The following STRBP variants were observed in gnomAD, a reference collection of about 807,000 sequenced individuals.
STRBP encodes the protein spermatid perinuclear RNA binding protein.
Under a neutral mutation model 80.1 loss-of-function variants are expected in STRBP, and 13 were observed. The ratio of observed to expected loss-of-function variants is 0.16; its 90% CI spans 0.11 to 0.26. The LOEUF (loss-of-function observed/expected upper bound fraction) is 0.26, where lower values mean the gene tolerates loss of function less well. Among genes scored for constraint, STRBP ranks in the 10% least tolerant of loss-of-function variants. STRBP has a pLI of 1.00. For synonymous variants in STRBP, 284 were observed against 291.2 expected (o/e 0.98, Z 0.25); for missense variants, 485 against 815.2 (o/e 0.59, Z 4.93).
chr9:123,194,989 T>C (rs1255644589), intron 2 of STRBP, among the ~76,000 whole-genome samples: 1 of 152,200 alleles, frequency 6.6e-6, no homozygotes, highest in African/African-American at 2.4e-5. Flanking sequence ...GGTTTGAGAC[T>C]TTAAATACCA....
intron 1 of STRBP, among the ~76,000 whole-genome samples, chr9:123,259,633 C>T (rs531117985): frequency 2.0e-5 from 3 of 152,226 alleles, no homozygotes; most frequent in East Asian, 3.9e-4. Context: ...TGCTTGAACC[C>T]GGGCAGCAGA....
chr9:123,244,582 T>C (rs1346424245), intron 1 of STRBP, among the ~76,000 whole-genome samples: 1 of 152,230 alleles, frequency 6.6e-6, no homozygotes, highest in Non-Finnish European at 1.5e-5. Flanking sequence ...CTGAATTATC[T>C]GCCCAACTTT....
In STRBP at chr9:123,122,440, T is replaced by TAAA; in HGVS notation, c.*3154_*3156dup. On this transcript the variant is annotated 3_prime_UTR_variant, in exon 19 of 19. Transcript: ENST00000348403. ...TGATTTTCAAACATTCACCCAAAAT[T>TAAA]AAAAAAAAAAAAAAAAAGAAAAGGC... is the stretch of plus-strand genomic sequence containing the variant. The TAAA allele has an allele frequency of 9.4e-7, 1 of 1,059,788 alleles. No homozygotes were observed. The highest frequency in any genetic ancestry group is 2.0e-5 in the South Asian group (1 of 49,138). The allele number at this position is 1,059,788 out of a possible 1,614,324, so 65.6% of individuals were successfully genotyped here.
At chr9:123,120,846 A>T (rs1206193880), downstream of STRBP, among the ~76,000 whole-genome samples, 1 of 152,218 alleles carries the variant, frequency 6.6e-6, no homozygotes, top group Non-Finnish European at 1.5e-5. Context: ...AAATGAGTGA[A>T]TTTCCAAGTG....
intron 11 of STRBP, among the ~76,000 whole-genome samples, chr9:123,153,177 T>G (rs371329249): frequency 1.1e-4 from 16 of 149,512 alleles, no homozygotes; most frequent in East Asian, 3.9e-4. Flanking sequence ...GCGAAGAAGC[T>G]AAATTCTAGA....
intron 4 of STRBP, among the ~76,000 whole-genome samples, chr9:123,175,596 T>C (rs1444068405): frequency 6.6e-6 from 1 of 152,210 alleles, no homozygotes; most frequent in Non-Finnish European, 1.5e-5. Flanking sequence ...GTGTAGGCAA[T>C]TGTCTGATAT....
chr9:123,264,753 T>C (rs2041232927), intron 1 of STRBP, among the ~76,000 whole-genome samples: 1 of 152,216 alleles, frequency 6.6e-6, no homozygotes, highest in South Asian at 2.1e-4. Flanking sequence ...AAACTTAGGA[T>C]ATCTAAAGTG....
At chr9:123,243,275 A>G (rs1198446559) in intron 1 of STRBP, among the ~76,000 whole-genome samples, 2 of 151,122 alleles carry the variant, frequency 1.3e-5, no homozygotes, top group Non-Finnish European at 3.0e-5. Flanking sequence ...CAAAAAAAAA[A>G]AAAAAAAAAG....
intron 13 of STRBP, among the ~76,000 whole-genome samples, chr9:123,143,642 AT>A (rs1014805619): frequency 4.6e-5 from 7 of 152,220 alleles, no homozygotes; most frequent in Non-Finnish European, 7.3e-5. Flanking sequence ...ATTCCAATGC[AT>A]TTTTTTAACA....
In STRBP at chr9:123,131,341, G is replaced by A. The variant is rs557684427; in HGVS notation, c.1897+1504C>T. 1.4e-4 allele frequency among the ~76,000 whole-genome samples: 22 copies of A among 152,266 alleles called. No individual in the cohort carries two copies. The South Asian group carries it at 4.4e-3, about 30-fold the overall frequency. ...CCAAAATCCAAACAACGGCCTCCAG[G>A]TCTGGGACTGAGTCATCCAGCTTTA... On this transcript the variant is annotated intron_variant, in intron 17 of 18. Coordinates refer to ENST00000348403, the MANE Select transcript of STRBP (RefSeq NM_018387.5).
intron 1 of STRBP, among the ~76,000 whole-genome samples, chr9:123,254,929 T>C (rs956279395): frequency 1.1e-4 from 16 of 152,240 alleles, no homozygotes; most frequent in Non-Finnish European, 1.9e-4. Context: ...CTTCTAAACG[T>C]AGCCGGTGAA....
At chr9:123,134,912 C>A (rs752203643) in intron 16 of STRBP, among the ~76,000 whole-genome samples, 1 of 152,070 alleles carries the variant, frequency 6.6e-6, no homozygotes, top group Non-Finnish European at 1.5e-5. Context: ...TTTCGACATG[C>A]GTAATTTAAA....
chr9:123,239,855 T>C (rs2040656032), intron 1 of STRBP, among the ~76,000 whole-genome samples: 1 of 152,214 alleles, frequency 6.6e-6, no homozygotes, highest in South Asian at 2.1e-4. Flanking sequence ...TACATTACTA[T>C]TATTGTTGAA....
chr9:123,161,156 T>C (rs1478335731), intron 6 of STRBP, 88 bp from the exon 7 acceptor site: 5 of 1,054,608 alleles, frequency 4.7e-6, no homozygotes, highest in Admixed American at 2.8e-5. Context: ...ATAAAAAGAA[T>C]AACAGCATTT....
intron 18 of STRBP, among the ~76,000 whole-genome samples, chr9:123,127,193 C>G (rs558413407): frequency 1.3e-5 from 2 of 152,160 alleles, no homozygotes; most frequent in Admixed American, 6.5e-5. Flanking sequence ...TCCACAGTTA[C>G]GAAATCAGAT....
At chr9:123,254,036 G>A (rs765130894) in intron 1 of STRBP, among the ~76,000 whole-genome samples, 15 of 145,766 alleles carry the variant, frequency 1.0e-4, no homozygotes, top group Non-Finnish European at 2.3e-4. Context: ...TTAAAAAAAC[G>A]TTTTCAGAAG....
intron 1 of STRBP, among the ~76,000 whole-genome samples, chr9:123,250,273 C>T (rs2040884256): frequency 6.6e-6 from 1 of 152,092 alleles, no homozygotes; most frequent in African/African-American, 2.4e-5. Flanking sequence ...CTATCTGAAC[C>T]CAGCTGTCTT....
chr9:123,160,427 G>A lies in STRBP; in HGVS notation c.663C>T (p.Val221=), dbSNP rs770708139. 3.1e-6 allele frequency: 5 copies of A among 1,604,830 alleles called. No homozygotes were observed. Among genetic ancestry groups the A allele is most frequent in the East Asian group, 2.2e-5 (1 of 44,650 alleles). Residue 221 remains valine, a synonymous_variant, in exon 8 of 19, where the codon GTC becomes GTT. Coordinates refer to ENST00000348403, the MANE Select transcript of STRBP (RefSeq NM_018387.5). ...TGCACAAATCACGCAGAATGCGGAG[G>A]ACAATTACACATGATTTTAATCCAT... is the stretch of plus-strand genomic sequence containing the variant. ...RANGLKSCVI[V]LRILRDLCNR...
At chr9:123,233,183 C>T (rs2040446124) in intron 2 of STRBP, among the ~76,000 whole-genome samples, 1 of 152,194 alleles carries the variant, frequency 6.6e-6, no homozygotes, top group South Asian at 2.1e-4. Flanking sequence ...AAGTGATCCT[C>T]TCACATCAGC....
Sources: gnomAD v4.1 joint callset for allele counts (sites outside exome capture counted in the v4.1 genomes callset) on GRCh38, gnomAD v4.1.1 for gene constraint, MANE v1.5 for transcripts, NCBI Gene and HGNC (gene_info 2026-07-23, HGNC 2026-07-21) for gene names.